Variants in NIF3L1 observed in about 807,000 individuals in gnomAD.
NIF3L1 encodes the protein NGG1 interacting factor 3 like 1.
In NIF3L1, 26 loss-of-function variants were observed where a neutral mutation model predicts 35.0. The ratio of observed to expected loss-of-function variants is 0.74; its 90% confidence interval spans 0.54 to 1.03. The LOEUF (loss-of-function observed/expected upper bound fraction) is 1.03, where lower values mean the gene tolerates loss of function less well. NIF3L1 is among the 50% of genes least tolerant of loss of function. The pLI is 0.00. For synonymous variants in NIF3L1, 157 were observed against 178.9 expected (o/e 0.88, Z 0.98); for missense variants, 449 against 466.3 (o/e 0.96, Z 0.34).
In NIF3L1 at chr2:200,897,095, G is replaced by C; in HGVS notation, c.746G>C (p.Gly249Ala). The C allele has an allele frequency of 6.2e-7, 1 of 1,613,912 alleles. No homozygotes were observed. The highest frequency in any genetic ancestry group is 8.5e-7 in the Non-Finnish European group (1 of 1,179,874). ...CCTCAGCCTTTGCTTCTACATACTG[G>C]AATGGGACGGTTATGCACACTGGAT... ...SLEKPLLLHT[G>A]MGRLCTLDES... is the part of the protein sequence containing the mutation. The change falls in exon 5 of 7, where the codon GGA becomes GCA. Residue 249 changes from glycine (G) to alanine (A), a missense_variant. By Grantham distance (60) the Gly-to-Ala change is moderately conservative. Transcript: ENST00000409020.
chr2:200,900,759 A>C (rs2040398869), intron 6 of NIF3L1, among the ~76,000 whole-genome samples: 1 of 152,236 alleles, frequency 6.6e-6, no homozygotes, highest in South Asian at 2.1e-4. Context: ...AATATCTTAC[A>C]GTATTGTGTC....
chr2:200,892,250 A>G lies in NIF3L1; in HGVS notation c.307A>G (p.Ile103Val), dbSNP rs1575131885. The G allele has an allele frequency of 1.2e-6, 2 of 1,614,204 alleles. No homozygotes were observed. The highest frequency in any genetic ancestry group is 1.7e-5 in the Admixed American group (1 of 60,028). The stretch of plus-strand genomic sequence containing the variant: ...GCCTATCTTCCGACCCATGAAGCGC[A>G]TAACCTGGAACACATGGAAGGAGCG... ...HPPIFRPMKR[I>V]TWNTWKERLV... is the part of the protein sequence containing the mutation. The change falls in exon 2 of 7, where the codon ATA becomes GTA. Residue 103 changes from isoleucine to valine, a missense_variant. Transcript: ENST00000409020.
At position 200,897,134 on chromosome 2, in the gene NIF3L1, T is replaced by C; in HGVS notation, c.785T>C (p.Leu262Pro). ...TGCACACTGGATGAATCTGTCTCCC[T>C]GGCAACCATGATTGATCGAATAAAA... ...RLCTLDESVS[L>P]ATMIDRIKRH... The change falls in exon 5 of 7, where the codon CTG (leucine) becomes CCG (proline). Residue 262 changes from leucine to proline, a missense_variant. Physicochemically the swap from Leu to Pro is moderately conservative, Grantham distance 98. Coordinates refer to ENST00000409020, the MANE Select transcript of NIF3L1 (RefSeq NM_001369441.2). 2 of 1,614,066 alleles carry C rather than the reference T, an allele frequency of 1.2e-6. No homozygotes were observed. The highest frequency in any genetic ancestry group is 1.7e-6 in the Non-Finnish European group (2 of 1,179,942).
Position 200,895,403 on chromosome 2 carries a change from T to A in NIF3L1, c.726+13T>A. On this transcript the variant is annotated intron_variant, in intron 4 of 6. Coordinates refer to ENST00000409020, the MANE Select transcript of NIF3L1 (RefSeq NM_001369441.2). ...GTCACTGGAGAAGGTAATAAGAATA[T>A]TTTGTATTTGATCTTAAAATACTGT... 1.2e-6 allele frequency: 2 copies of A among 1,613,452 alleles called. No homozygotes were observed. The highest frequency in any genetic ancestry group is 1.7e-6 in the Non-Finnish European group (2 of 1,179,500).
chr2:200,891,889 G>A, intron 1 of NIF3L1, 29 bp from the exon 2 acceptor site: 3 of 1,352,184 alleles, frequency 2.2e-6, no homozygotes, highest in Admixed American at 4.3e-5. Context: ...AAGTATACCT[G>A]TGTACCATTT....
In NIF3L1 at chr2:200,892,396, A is replaced by G. The variant is rs2040217745; in HGVS notation, c.436+17A>G. On this transcript the variant is annotated intron_variant, in intron 2 of 6. Coordinates refer to ENST00000409020, the MANE Select transcript of NIF3L1 (RefSeq NM_001369441.2). ...AAGGGCTTGGTGAGAAGCCTCTTTC[A>G]TATTTGATATTTTCCCTGCAAATAC... 5 of 1,539,148 alleles carry G rather than the reference A, an allele frequency of 3.2e-6. No individual in the cohort carries two copies. Among genetic ancestry groups the G allele is most frequent in the Non-Finnish European group, 3.5e-6 (4 of 1,148,240 alleles).
intron 4 of NIF3L1, among the ~76,000 whole-genome samples, chr2:200,896,343 T>C (rs2040313499): frequency 6.6e-6 from 1 of 152,202 alleles, no homozygotes; most frequent in African/African-American, 2.4e-5. Flanking sequence ...GGCACCTTTG[T>C]CCATGTCCTC....
rs2040210154 is a variant in NIF3L1, at chr2:200,892,218, A to G, written c.275A>G (p.Tyr92Cys). ...AAGAAGGCAGACCTCATTCTCTCCT[A>G]CCATCCGCCTATCTTCCGACCCATG... Reference protein sequence around the residue: ...LQKKADLILSYHPPIFRPMKR... With the variant: ...LQKKADLILSCHPPIFRPMKR... The change falls in exon 2 of 7, where the codon TAC becomes TGC. Residue 92 changes from tyrosine (Y) to cysteine (C), a missense_variant. Coordinates refer to ENST00000409020, the MANE Select transcript of NIF3L1 (RefSeq NM_001369441.2). 1.9e-6 allele frequency: 3 copies of G among 1,614,078 alleles called. No individual in the cohort carries two copies. Among genetic ancestry groups the G allele is most frequent in the African/African-American group, 1.3e-5 (1 of 74,920 alleles).
At position 200,895,246 on chromosome 2, in the gene NIF3L1, G is replaced by A. The variant is rs1326005108; in HGVS notation, c.600-18G>A. On this transcript the variant is annotated intron_variant, in intron 3 of 6. Coordinates refer to ENST00000409020, the MANE Select transcript of NIF3L1 (RefSeq NM_001369441.2). The stretch of plus-strand genomic sequence containing the variant: ...TTTGGCTATATTTGTCCTAAATGGA[G>A]TGATTTTTCCCCCCTAGGACTGGTA... 1 of 1,611,312 alleles carries A rather than the reference G, an allele frequency of 6.2e-7. No homozygotes were observed. Among genetic ancestry groups the A allele is most frequent in the African/African-American group, 1.3e-5 (1 of 74,848 alleles).
intron 3 of NIF3L1, among the ~76,000 whole-genome samples, chr2:200,893,782 T>C (rs2040248182): frequency 6.6e-6 from 1 of 152,234 alleles, no homozygotes; most frequent in African/African-American, 2.4e-5. Context: ...TGCTTTTTTA[T>C]ATTTATCTTT....
At chr2:200,901,400 T>G (rs2040408405) in intron 6 of NIF3L1, among the ~76,000 whole-genome samples, 1 of 152,192 alleles carries the variant, frequency 6.6e-6, no homozygotes, top group Non-Finnish European at 1.5e-5. Flanking sequence ...AACTAGTTTT[T>G]TAAAACAATG....
intron 4 of NIF3L1, among the ~76,000 whole-genome samples, chr2:200,896,153 G>C (rs537389749): frequency 6.6e-6 from 1 of 152,210 alleles, no homozygotes; most frequent in South Asian, 2.1e-4. Flanking sequence ...TCTGCGATGA[G>C]AGTAGTCTCA....
In NIF3L1 at chr2:200,893,383, G is replaced by A; in HGVS notation, c.574G>A (p.Val192Ile). 1.2e-6 allele frequency: 2 copies of A among 1,613,688 alleles called. No individual in the cohort carries two copies. Among genetic ancestry groups the A allele is most frequent in the Non-Finnish European group, 1.7e-6 (2 of 1,179,804 alleles). ...GTCTGCAGTGAAAGGAATTGACGGT[G>A]TTTCTGTCACTTCTTTTTCTGCTAG... ...VMSAVKGIDG[V>I]SVTSFSARTG... Residue 192 changes from valine (V) to isoleucine (I), a missense_variant, in exon 3 of 7, where the codon GTT becomes ATT. Val to Ile is a conservative substitution (Grantham distance 29, BLOSUM62 3). Coordinates refer to ENST00000409020, the MANE Select transcript of NIF3L1 (RefSeq NM_001369441.2).
At position 200,891,975 on chromosome 2, in the gene NIF3L1, C is replaced by T. The variant is rs756604091; in HGVS notation, c.32C>T (p.Thr11Met). MLSSCVRPVP[T>M]TVRFVDSLIC... ...TCATCTTGCGTACGCCCAGTCCCCA[C>T]GACAGTCCGGTTTGTAGATTCCCTG... The change falls in exon 2 of 7, where the codon ACG becomes ATG. Residue 11 changes from threonine (T) to methionine (M), a missense_variant. Thr to Met is a moderately conservative substitution (Grantham distance 81). Transcript: ENST00000409020. 1.1e-4 allele frequency: 175 copies of T among 1,613,180 alleles called. No homozygotes were observed. Among genetic ancestry groups the T allele is most frequent in the Non-Finnish European group, 1.4e-4 (164 of 1,179,552 alleles).
At chr2:200,893,110 G>A (rs953681501) in intron 2 of NIF3L1, 136 bp from the exon 3 acceptor site, 1 of 536,148 alleles carries the variant, frequency 1.9e-6, no homozygotes, top group Non-Finnish European at 3.2e-6. Context: ...TCTAAGGGAT[G>A]TGTGTATGTT....
intron 5 of NIF3L1, chr2:200,898,958 C>T (rs191225466): frequency 3.1e-4 from 50 of 159,090 alleles, no homozygotes; most frequent in Non-Finnish European, 5.1e-4. Context: ...CAGCCTAGAG[C>T]TGCACCATTA....
intron 5 of NIF3L1, chr2:200,898,879 G>A (rs1327421490): frequency 6.6e-6 from 1 of 152,246 alleles, no homozygotes; most frequent in Non-Finnish European, 1.5e-5. Context: ...AATAGAGATA[G>A]TACTTGCTTA....
At chr2:200,889,348 G>A (rs933143098), upstream of NIF3L1, 9 of 285,928 alleles carry the variant, frequency 3.1e-5, no homozygotes, top group African/African-American at 2.0e-4. Context: ...CATCCGGAGC[G>A]CCGACGCGGG....
rs367570891 is a variant in NIF3L1, at chr2:200,903,709, A to G, written c.*31A>G. 6.3e-7 allele frequency: 1 copy of G among 1,581,244 alleles called. No homozygotes were observed. Among genetic ancestry groups the G allele is most frequent in the Admixed American group, 1.7e-5 (1 of 60,002 alleles). On this transcript the variant is annotated 3_prime_UTR_variant, in exon 7 of 7. Coordinates refer to ENST00000409020, the MANE Select transcript of NIF3L1 (RefSeq NM_001369441.2). ...GAAACATCAGGATAACACATTCTACAAATCAGCTGGATGCCAACTTAAATT... is the reference window on the plus strand; with the variant it reads ...GAAACATCAGGATAACACATTCTACGAATCAGCTGGATGCCAACTTAAATT...
Sources: gnomAD v4.1 joint callset for allele counts (sites outside exome capture counted in the v4.1 genomes callset) on GRCh38, gnomAD v4.1.1 for gene constraint, MANE v1.5 for transcripts, NCBI Gene and HGNC (gene_info 2026-07-23, HGNC 2026-07-21) for gene names.